ZMAT4: variants seen among roughly 807,000 people sequenced by gnomAD.
ZMAT4 encodes the protein zinc finger matrin-type 4.
Under a neutral mutation model 28.7 loss-of-function variants are expected in ZMAT4, and 17 were observed. That is an observed-to-expected ratio of 0.59 (90% CI 0.41 to 0.89). The LOEUF (loss-of-function observed/expected upper bound fraction) is 0.89, where lower values mean the gene tolerates loss of function less well. Ranked by LOEUF, ZMAT4 falls within the 40% of genes least tolerant of loss-of-function variation. The pLI is 0.00. For missense variants in ZMAT4, 240 were observed against 283.8 expected (o/e 0.85, Z 1.11); for synonymous variants, 117 against 109.2 (o/e 1.07, Z -0.44).
intron 3 of ZMAT4, among the ~76,000 whole-genome samples, chr8:40,717,204 G>A (rs1221278555): frequency 1.3e-5 from 2 of 152,106 alleles, no homozygotes; most frequent in Non-Finnish European, 2.9e-5. Context: ...CAATTTGAAG[G>A]ACCCAGATGG....
intron 4 of ZMAT4, among the ~76,000 whole-genome samples, chr8:40,693,544 C>T (rs1809746967): frequency 6.6e-6 from 1 of 152,180 alleles, no homozygotes; most frequent in Non-Finnish European, 1.5e-5. Context: ...ATAAAAAACC[C>T]TTTGCCTCCT....
intron 5 of ZMAT4, among the ~76,000 whole-genome samples, chr8:40,668,008 A>G (rs2118879191): frequency 6.6e-6 from 1 of 152,290 alleles, no homozygotes; most frequent in Admixed American, 6.5e-5. Flanking sequence ...AGGCATACCT[A>G]ATATGATTCG....
intron 2 of ZMAT4, among the ~76,000 whole-genome samples, chr8:40,823,864 G>A (rs1295617070): frequency 1.3e-5 from 2 of 152,058 alleles, no homozygotes; most frequent in African/African-American, 2.4e-5. Flanking sequence ...TTTTTTCACA[G>A]GTGCTGATTT....
At chr8:40,574,313 T>A (rs562696931) in intron 6 of ZMAT4, among the ~76,000 whole-genome samples, 1 of 152,060 alleles carries the variant, frequency 6.6e-6, no homozygotes, top group African/African-American at 2.4e-5. Context: ...TAAAAGTTGA[T>A]ACAAAGGGCC....
At chr8:40,569,503 G>C (rs12679037) in intron 6 of ZMAT4, among the ~76,000 whole-genome samples, 14,290 of 152,128 alleles carry the variant, frequency 0.094, 1,303 homozygotes, top group East Asian at 0.53. Context: ...CCAGAATGAG[G>C]GTAAGTCCAG....
At chr8:40,776,888 A>C (rs1430535704) in intron 2 of ZMAT4, among the ~76,000 whole-genome samples, 4 of 151,942 alleles carry the variant, frequency 2.6e-5, no homozygotes, top group African/African-American at 9.7e-5. Flanking sequence ...CACTACTGGC[A>C]AGAGCAAGGA....
intron 4 of ZMAT4, among the ~76,000 whole-genome samples, chr8:40,683,855 A>G (rs1809281511): frequency 6.6e-6 from 1 of 152,166 alleles, no homozygotes; most frequent in Non-Finnish European, 1.5e-5. Context: ...ACTAAAGCCC[A>G]GGAGTTTGGA....
At chr8:40,839,603 G>C (rs577996115) in intron 1 of ZMAT4, among the ~76,000 whole-genome samples, 1 of 152,336 alleles carries the variant, frequency 6.6e-6, no homozygotes, top group Non-Finnish European at 1.5e-5. Flanking sequence ...AGAAAATGTG[G>C]TTTACCATAG....
intron 1 of ZMAT4, among the ~76,000 whole-genome samples, chr8:40,843,733 T>C (rs765887222): frequency 7.9e-5 from 12 of 152,216 alleles, no homozygotes; most frequent in Admixed American, 6.5e-5. Flanking sequence ...GACTGCTCCT[T>C]GTCCACTCTC....
At chr8:40,897,281 C>A (rs145705766) in intron 1 of ZMAT4, among the ~76,000 whole-genome samples, 463 of 152,160 alleles carry the variant, frequency 3.0e-3, no homozygotes, top group Non-Finnish European at 4.9e-3. Context: ...GGGGACAGAC[C>A]CTATAGCGGA....
At chr8:40,673,279 G>C (rs1027961092) in intron 5 of ZMAT4, among the ~76,000 whole-genome samples, 1 of 152,128 alleles carries the variant, frequency 6.6e-6, no homozygotes, top group Non-Finnish European at 1.5e-5. Flanking sequence ...ATATTAAGAA[G>C]TGACCTGTCC....
rs548966897 is a variant in ZMAT4 at position 40,744,732 on chromosome 8, G to A, written c.192+22909C>T. Among the ~76,000 whole-genome samples, 6 of 152,268 alleles carry A rather than the reference G, an allele frequency of 3.9e-5. No individual in the cohort carries two copies. In the South Asian group the frequency reaches 8.3e-4, roughly 21 times the overall value. On this transcript the variant is annotated intron_variant, in intron 3 of 6. Coordinates refer to ENST00000297737, the MANE Select transcript of ZMAT4 (RefSeq NM_024645.3). Reference sequence around the variant, plus strand: ...CATAAAATGATAGACCCCCACCTTCGGCTAGGAATGAAGAAAGAGTAAAAT... The same window carrying A: ...CATAAAATGATAGACCCCCACCTTCAGCTAGGAATGAAGAAAGAGTAAAAT...
chr8:40,567,946 A>T (rs1803975182), intron 6 of ZMAT4, among the ~76,000 whole-genome samples: 1 of 152,144 alleles, frequency 6.6e-6, no homozygotes, highest in Admixed American at 6.5e-5. Flanking sequence ...TAGCATAAAG[A>T]TTCCTGAGTA....
chr8:40,634,425 A>G (rs2118737433), intron 5 of ZMAT4, among the ~76,000 whole-genome samples: 1 of 152,320 alleles, frequency 6.6e-6, no homozygotes, highest in South Asian at 2.1e-4. Context: ...AGCTAGAGAG[A>G]AATATTTTCT....
chr8:40,558,488 G>T (rs77734999), intron 6 of ZMAT4, among the ~76,000 whole-genome samples: 4,275 of 152,132 alleles, frequency 0.028, 203 homozygotes, highest in African/African-American at 0.085. Context: ...TGGAGTCACA[G>T]AACTGGCTTA....
intron 1 of ZMAT4, among the ~76,000 whole-genome samples, chr8:40,861,264 G>C (rs1817479308): frequency 6.6e-6 from 1 of 152,132 alleles, no homozygotes; most frequent in Admixed American, 6.6e-5. Flanking sequence ...TGAAAGAACA[G>C]CCTGTGCACA....
At chr8:40,832,984 A>G (rs10101980) in intron 1 of ZMAT4, among the ~76,000 whole-genome samples, 33,845 of 152,042 alleles carry the variant, frequency 0.22, 3,880 homozygotes, top group South Asian at 0.32. Context: ...GTTGCCTGAC[A>G]TTTGCTCCCT....
chr8:40,849,636 C>A (rs999790469), intron 1 of ZMAT4, among the ~76,000 whole-genome samples: 1 of 152,072 alleles, frequency 6.6e-6, no homozygotes. Context: ...GACAACTTAC[C>A]CAGATGGCAT....
intron 3 of ZMAT4, among the ~76,000 whole-genome samples, chr8:40,722,736 C>T (rs1166226992): frequency 2.0e-5 from 3 of 152,110 alleles, no homozygotes; most frequent in Non-Finnish European, 2.9e-5. Flanking sequence ...GAGGAACCTG[C>T]GGGGATTGTA....
Sources: gnomAD v4.1 joint callset for allele counts (sites outside exome capture counted in the v4.1 genomes callset) on GRCh38, gnomAD v4.1.1 for gene constraint, MANE v1.5 for transcripts, NCBI Gene and HGNC (gene_info 2026-07-23, HGNC 2026-07-21) for gene names.